The following SAC3D1 variants were observed in gnomAD, a reference collection of about 807,000 sequenced individuals.
SAC3D1 encodes SAC3 domain-containing protein 1.
A neutral mutation model predicts 12.7 loss-of-function variants in SAC3D1; 10 were observed. The observed-to-expected ratio is 0.79, with a 90% confidence interval of 0.49 to 1.34. The LOEUF is 1.34. SAC3D1 is among the 40% of genes most tolerant of loss of function. The probability of loss-of-function intolerance (pLI) is 0.00; values close to 1 mark genes in which losing one functional copy is unlikely to be tolerated. For synonymous variants in SAC3D1, 241 were observed against 250.8 expected, an observed-to-expected ratio of 0.96 and a Z score of 0.37; for missense variants, 482 against 531.1, an observed-to-expected ratio of 0.91 and a Z score of 0.91.
At chr11:65,041,968 GC>G (rs1434695121) in intron 1 of SAC3D1, 102 bp downstream of exon 1, 1 of 1,268,970 alleles carries the variant, frequency 7.9e-7, no homozygotes, top group African/African-American at 1.6e-5. Flanking sequence ...CTCACCATTA[GC>G]CCCCTCCCAG....
chr11:65,041,139 C>T, upstream of SAC3D1: 1 of 775,266 alleles, frequency 1.3e-6, no homozygotes, highest in Non-Finnish European at 2.0e-6. Flanking sequence ...ATGGGCGGCC[C>T]GAAGGCCGGG....
At chr11:65,041,915 C>A (rs1946613052) in intron 1 of SAC3D1, 49 bp downstream of exon 1, 1 of 1,347,218 alleles carries the variant, frequency 7.4e-7, no homozygotes. Context: ...CAGGAGCCCA[C>A]CATGACAGTG....
At position 65,044,744 on chromosome 11, in the gene SAC3D1, T is replaced by G. The variant is rs907104120; in HGVS notation, c.*17T>G. 2 of 1,606,396 alleles carry G rather than the reference T, an allele frequency of 1.2e-6. No individual in the cohort carries two copies. The highest frequency in any genetic ancestry group is 4.5e-5 in the East Asian group (2 of 44,754). On this transcript the variant is annotated 3_prime_UTR_variant, in exon 2 of 2. Coordinates refer to ENST00000652489, the MANE Select transcript of SAC3D1 (RefSeq NM_013299.4). The surrounding 1 kb of genome is among the most constrained non-coding windows in gnomAD (Gnocchi z 4.0). ...CCAGCCTGAGGAGGGAGCGTGAGCC[T>G]CCCAGAGCCCCAGGACTGGGCCAGA...
chr11:65,042,229 C>G (rs1946621312), intron 1 of SAC3D1, among the ~76,000 whole-genome samples: 1 of 151,944 alleles, frequency 6.6e-6, no homozygotes, highest in East Asian at 2.0e-4. Context: ...TCCTGAGTAG[C>G]TGGGATCACA....
At chr11:65,043,007 A>C (rs1375328292) in intron 1 of SAC3D1, 2 of 430,128 alleles carry the variant, frequency 4.6e-6, no homozygotes, top group Non-Finnish European at 4.7e-6. Flanking sequence ...GGCTAACTTA[A>C]AAAAATTTTT....
chr11:65,042,670 G>A (rs1262672172), intron 1 of SAC3D1, among the ~76,000 whole-genome samples: 1 of 151,834 alleles, frequency 6.6e-6, no homozygotes, highest in African/African-American at 2.4e-5. Context: ...GCCTCCCAAA[G>A]AGCTGGGACT....
In SAC3D1 at chr11:65,044,484, G is replaced by A; in HGVS notation, c.834G>A (p.Met278Ile). 1.9e-6 allele frequency: 3 copies of A among 1,614,096 alleles called. No individual in the cohort carries two copies. Among genetic ancestry groups the A allele is most frequent in the Non-Finnish European group, 2.5e-6 (3 of 1,180,044 alleles). ...GCCAGACCTTGCCTCTGGGCTTCAT[G>A]GTCAACCTCTTGGCCCTGGATGGAC... ...PKGQTLPLGF[M>I]VNLLALDGLR... The change falls in exon 2 of 2, where the codon ATG (methionine) becomes ATA (isoleucine). Residue 278 changes from methionine to isoleucine, a missense_variant. This residue lies in a region of SAC3D1 where 225 missense variants were observed against 241.1 expected (regional missense o/e 0.93). Transcript: ENST00000652489. This position sits in a 1 kb window ranked among gnomAD's most constrained non-coding sequence, Gnocchi z 4.0.
upstream of SAC3D1, chr11:65,041,200 C>T: frequency 8.5e-7 from 1 of 1,179,112 alleles, no homozygotes; most frequent in Non-Finnish European, 1.1e-6. Context: ...CCCCGACCCG[C>T]CGCTCCCCAC....
At chr11:65,040,975 A>C, upstream of SAC3D1, 1 of 439,950 alleles carries the variant, frequency 2.3e-6, no homozygotes, top group Admixed American at 4.9e-5. Flanking sequence ...CGTTAAAAAC[A>C]CTAAGGGGAG....
At chr11:65,043,020 T>G in intron 1 of SAC3D1, 1 of 436,170 alleles carries the variant, frequency 2.3e-6, no homozygotes, top group East Asian at 7.7e-5. Context: ...AAATTTTTTT[T>G]GTAGAGATGG....
chr11:65,044,755 C>G lies in SAC3D1; in HGVS notation c.*28C>G. Reference sequence around the variant, plus strand: ...AGGGAGCGTGAGCCTCCCAGAGCCCCAGGACTGGGCCAGAGCACTTAGGTT... The same window carrying G: ...AGGGAGCGTGAGCCTCCCAGAGCCCGAGGACTGGGCCAGAGCACTTAGGTT... On this transcript the variant is annotated 3_prime_UTR_variant, in exon 2 of 2. Transcript: ENST00000652489. This position sits in a 1 kb window ranked among gnomAD's most constrained non-coding sequence, Gnocchi z 4.0. 1 of 1,601,462 alleles carries G rather than the reference C, an allele frequency of 6.2e-7. No individual in the cohort carries two copies. The highest frequency in any genetic ancestry group is 8.5e-7 in the Non-Finnish European group (1 of 1,173,162).
upstream of SAC3D1, chr11:65,040,990 C>G: frequency 4.2e-6 from 2 of 474,444 alleles, no homozygotes; most frequent in Non-Finnish European, 7.5e-6. Flanking sequence ...GGGGAGCGCG[C>G]GAAGCTGAAC....
rs1565207178 is a variant in SAC3D1 at position 65,041,400 on chromosome 11, G to C, written c.108G>C (p.Pro36=). 2.7e-6 allele frequency: 4 copies of C among 1,506,854 alleles called. No homozygotes were observed. Among genetic ancestry groups the C allele is most frequent in the Non-Finnish European group, 3.5e-6 (4 of 1,134,800 alleles). 93.3% of individuals were successfully genotyped at this position (1,506,854 alleles called of 1,614,324 possible). A position where few individuals can be genotyped will look rare whatever the true frequency, so the allele number is the denominator to read the frequency against. Residue 36 remains proline (P), a synonymous_variant, in exon 1 of 2, where the codon CCG becomes CCC. Transcript: ENST00000652489. The part of the protein sequence containing the change: ...EHRLHRLEVV[P]GCRQDPPRAD... Reference sequence around the variant, plus strand: ...GCCTGCACCGCTTGGAGGTGGTGCCGGGTTGCCGCCAGGACCCGCCCCGCG... The same window carrying C: ...GCCTGCACCGCTTGGAGGTGGTGCCCGGTTGCCGCCAGGACCCGCCCCGCG...
chr11:65,043,027 A>G (rs899756631), intron 1 of SAC3D1: 2 of 441,790 alleles, frequency 4.5e-6, no homozygotes. Context: ...TTTTGTAGAG[A>G]TGGGATCTCG....
chr11:65,041,798 ACG>A lies in SAC3D1; in HGVS notation c.511_512del (p.Arg171GlyfsTer19), dbSNP rs1414251776. On this transcript the variant is annotated frameshift_variant, in exon 1 of 2. Coordinates refer to ENST00000652489, the MANE Select transcript of SAC3D1 (RefSeq NM_013299.4). LOFTEE classifies it high-confidence loss of function. The stretch of plus-strand genomic sequence containing the variant: ...GGCTTCGGCTCGCTGCGGCGCTGCT[ACG>A]CGCGGGGCGCCGGGCCGCACCCCCG... 1 of 1,457,272 alleles carries A rather than the reference ACG, an allele frequency of 6.9e-7. No homozygotes were observed. The allele number at this position is 1,457,272 out of a possible 1,614,324, so 90.3% of individuals were successfully genotyped here. A position where few individuals can be genotyped will look rare whatever the true frequency, so the allele number is the denominator to read the frequency against.
At chr11:65,040,970 A>G, upstream of SAC3D1, 2 of 420,298 alleles carry the variant, frequency 4.8e-6, no homozygotes, top group Non-Finnish European at 4.3e-6. Context: ...CTACACGTTA[A>G]AAACACTAAG....
In SAC3D1 at chr11:65,044,326, G is replaced by T; in HGVS notation, c.676G>T (p.Gly226Cys). ...ALAVDAAFREGNAARLFRLLQ... is the reference protein window; with the variant it reads ...ALAVDAAFRECNAARLFRLLQ... ...GGCGGTAGATGCTGCCTTCCGAGAG[G>T]GCAATGCTGCCCGCCTGTTCCGTCT... The change falls in exon 2 of 2, where the codon GGC (glycine) becomes TGC (cysteine). Residue 226 changes from glycine to cysteine, a missense_variant. Around this residue, in one of 3 missense-constraint regions of SAC3D1, gnomAD observed 225 missense variants for 241.1 expected, o/e 0.93. Transcript: ENST00000652489. The surrounding 1 kb of genome is among the most constrained non-coding windows in gnomAD (Gnocchi z 4.0). The T allele has an allele frequency of 6.2e-7, 1 of 1,613,412 alleles. No individual in the cohort carries two copies. The highest frequency in any genetic ancestry group is 1.1e-5 in the South Asian group (1 of 91,086).
rs780267443 is a variant in SAC3D1, at chr11:65,044,339, G to A, written c.689G>A (p.Arg230His). 6.2e-6 allele frequency: 10 copies of A among 1,613,386 alleles called. No individual in the cohort carries two copies. Among genetic ancestry groups the A allele is most frequent in the East Asian group, 4.5e-5 (2 of 44,880 alleles). The part of the protein sequence containing the change: ...DAAFREGNAA[R>H]LFRLLQTLPY... Reference sequence around the variant, plus strand: ...GCCTTCCGAGAGGGCAATGCTGCCCGCCTGTTCCGTCTGCTCCAGACCCTG... The same window carrying A: ...GCCTTCCGAGAGGGCAATGCTGCCCACCTGTTCCGTCTGCTCCAGACCCTG... Residue 230 changes from arginine to histidine, a missense_variant, in exon 2 of 2, where the codon CGC (arginine) becomes CAC (histidine). Coordinates refer to ENST00000652489, the MANE Select transcript of SAC3D1 (RefSeq NM_013299.4). This position sits in a 1 kb window ranked among gnomAD's most constrained non-coding sequence, Gnocchi z 4.0.
At position 65,044,150 on chromosome 11, in the gene SAC3D1, C is replaced by A. The variant is rs1345456550; in HGVS notation, c.575-75C>A. ...GGCGTGGTCGAGGAGAGAGGAAGGA[C>A]AGGGTGTTGGGAGGGGAGATGAGCC... On this transcript the variant is annotated intron_variant, in intron 1 of 1. Coordinates refer to ENST00000652489, the MANE Select transcript of SAC3D1 (RefSeq NM_013299.4). This position sits in a 1 kb window ranked among gnomAD's most constrained non-coding sequence, Gnocchi z 4.0. The A allele has an allele frequency of 3.9e-6, 6 of 1,520,486 alleles. No homozygotes were observed. The highest frequency in any genetic ancestry group is 5.4e-6 in the Non-Finnish European group (6 of 1,116,150). The allele number at this position is 1,520,486 out of a possible 1,614,324, so 94.2% of individuals were successfully genotyped here.
Sources: gnomAD v4.1 joint callset for allele counts (sites outside exome capture counted in the v4.1 genomes callset) on GRCh38, gnomAD v4.1.1 for gene constraint, gnomAD v4.1.1 regional missense constraint, Gnocchi (gnomAD v3.1) non-coding constraint, MANE v1.5 for transcripts, NCBI Gene and HGNC (gene_info 2026-07-23, HGNC 2026-07-21) for gene names.